KCNQ3: variants seen among roughly 807,000 people sequenced by gnomAD.
The protein encoded by KCNQ3 is potassium voltage-gated channel subfamily Q member 3, also known as potassium voltage-gated channel subfamily KQT member 3.
In KCNQ3, 30 loss-of-function variants were observed where a neutral mutation model predicts 92.5. The observed-to-expected ratio is 0.32, with a 90% CI of 0.24 to 0.44. The LOEUF is 0.44. Among genes scored for constraint, KCNQ3 ranks in the 20% least tolerant of loss-of-function variants. The pLI is 1.00. For missense variants in KCNQ3, 913 were observed against 1,140.3 expected (o/e 0.80, Z 2.87); for synonymous variants, 450 against 468.8 (o/e 0.96, Z 0.52).
At chr8:132,317,720 G>A (rs143706398) in intron 1 of KCNQ3, among the ~76,000 whole-genome samples, 4 of 152,268 alleles carry the variant, frequency 2.6e-5, no homozygotes, top group African/African-American at 9.6e-5. Context: ...ATCCTTCCCA[G>A]GTCCTCCCTC....
chr8:132,233,274 AT>A (rs1296206963), intron 1 of KCNQ3, among the ~76,000 whole-genome samples: 1 of 152,224 alleles, frequency 6.6e-6, no homozygotes, highest in African/African-American at 2.4e-5. Context: ...CCAGAAGCAT[AT>A]TCCATGACTT....
chr8:132,141,078 T>G, intron 10 of KCNQ3, 51 bp downstream of exon 10: 1 of 1,537,174 alleles, frequency 6.5e-7, no homozygotes, highest in East Asian at 2.2e-5. Context: ...GGAAGTGGAC[T>G]TGGGGGAGGA....
intron 1 of KCNQ3, among the ~76,000 whole-genome samples, chr8:132,451,652 A>C (rs1821823796): frequency 6.6e-6 from 1 of 152,246 alleles, no homozygotes; most frequent in South Asian, 2.1e-4. Flanking sequence ...GGAAGGAAGA[A>C]AGGCGTCTAT....
intron 1 of KCNQ3, among the ~76,000 whole-genome samples, chr8:132,307,991 T>C (rs769097522): frequency 2.6e-5 from 4 of 152,182 alleles, no homozygotes; most frequent in Non-Finnish European, 5.9e-5. Context: ...CCCCGGAGGA[T>C]GGCAACCCTT....
At chr8:132,219,607 C>T (rs1053204615) in intron 1 of KCNQ3, among the ~76,000 whole-genome samples, 2 of 152,100 alleles carry the variant, frequency 1.3e-5, no homozygotes, top group Non-Finnish European at 2.9e-5. Context: ...GGTCTTTGCA[C>T]CTGCAATTCT....
At chr8:132,234,082 C>T (rs1814725335) in intron 1 of KCNQ3, among the ~76,000 whole-genome samples, 1 of 152,166 alleles carries the variant, frequency 6.6e-6, no homozygotes, top group Non-Finnish European at 1.5e-5. Context: ...ATGTGGCCAT[C>T]CTGTAAATAA....
At position 132,122,233 on chromosome 8, in the gene KCNQ3, C is replaced by T. The variant is rs1824495795; in HGVS notation, c.*7029G>A. On this transcript the variant is annotated 3_prime_UTR_variant, in exon 15 of 15. Transcript: ENST00000388996. The stretch of plus-strand genomic sequence containing the variant: ...CTATAAGATGGAGACAATAACATCT[C>T]CCTCATGGGGTTGCGATGAGGATTG... 1 of 152,176 alleles carries T rather than the reference C, an allele frequency of 6.6e-6. No individual in the cohort carries two copies. Among genetic ancestry groups the T allele is most frequent in the African/African-American group, 2.4e-5 (1 of 41,442 alleles). 9.4% of individuals were successfully genotyped at this position (152,176 alleles called of 1,614,324 possible).
At chr8:132,388,022 A>G (rs1819939968) in intron 1 of KCNQ3, among the ~76,000 whole-genome samples, 1 of 144,640 alleles carries the variant, frequency 6.9e-6, no homozygotes, top group South Asian at 2.2e-4. Flanking sequence ...GAGGAAGAGG[A>G]AGAAGAAGAA....
chr8:132,444,903 G>A (rs761617736), intron 1 of KCNQ3, among the ~76,000 whole-genome samples: 3 of 152,180 alleles, frequency 2.0e-5, no homozygotes, highest in Admixed American at 6.5e-5. Flanking sequence ...AAAGCAGAGT[G>A]CTTTGTAAAT....
intron 1 of KCNQ3, among the ~76,000 whole-genome samples, chr8:132,479,910 GTTT>G (rs1427576419): frequency 2.8e-5 from 4 of 144,942 alleles, no homozygotes; most frequent in Admixed American, 1.4e-4. Context: ...ACCACGCTTC[GTTT>G]TTTAAGCCCC....
chr8:132,169,063 G>A (rs555317583), intron 8 of KCNQ3, among the ~76,000 whole-genome samples: 1 of 152,184 alleles, frequency 6.6e-6, no homozygotes, highest in Admixed American at 6.5e-5. Flanking sequence ...AAAGACCATG[G>A]GCTTTGAAAG....
chr8:132,286,969 T>A (rs1450189917), intron 1 of KCNQ3, among the ~76,000 whole-genome samples: 1 of 152,204 alleles, frequency 6.6e-6, no homozygotes, highest in Non-Finnish European at 1.5e-5. Flanking sequence ...GAAGTAGCAC[T>A]AGGCCCTTGT....
intron 8 of KCNQ3, among the ~76,000 whole-genome samples, chr8:132,169,025 C>T (rs1218074420): frequency 6.6e-6 from 1 of 152,088 alleles, no homozygotes; most frequent in African/African-American, 2.4e-5. Context: ...CAAAAAAATG[C>T]ACTCTGTTCT....
chr8:132,262,214 G>A (rs1815810839), intron 1 of KCNQ3, among the ~76,000 whole-genome samples: 1 of 152,172 alleles, frequency 6.6e-6, no homozygotes, highest in Non-Finnish European at 1.5e-5. Context: ...GTTACTTTAT[G>A]ACGCCACTAA....
chr8:132,416,256 A>C (rs1248958427), intron 1 of KCNQ3, among the ~76,000 whole-genome samples: 1 of 152,238 alleles, frequency 6.6e-6, no homozygotes, highest in Non-Finnish European at 1.5e-5. Flanking sequence ...CATCTCTCAA[A>C]ATCCCAAACT....
chr8:132,218,347 C>T (rs924736167), intron 1 of KCNQ3, among the ~76,000 whole-genome samples: 2 of 152,224 alleles, frequency 1.3e-5, no homozygotes, highest in Non-Finnish European at 2.9e-5. Context: ...ATCCCAAGCA[C>T]CCAGAATGGC....
chr8:132,375,323 T>C (rs1819578315), intron 1 of KCNQ3, among the ~76,000 whole-genome samples: 1 of 149,354 alleles, frequency 6.7e-6, no homozygotes, highest in South Asian at 2.2e-4. Flanking sequence ...AAACAGGTAA[T>C]CACTACTGAA....
chr8:132,151,672 G>C (rs919735387), intron 9 of KCNQ3, among the ~76,000 whole-genome samples: 4 of 152,154 alleles, frequency 2.6e-5, no homozygotes, highest in African/African-American at 7.2e-5. Flanking sequence ...ATTTATGGTA[G>C]TATGTAATTC....
intron 1 of KCNQ3, among the ~76,000 whole-genome samples, chr8:132,250,938 C>T (rs577998641): frequency 1.3e-5 from 2 of 152,294 alleles, no homozygotes; most frequent in South Asian, 2.1e-4. Context: ...AGATCGACCT[C>T]TTAGACCAGA....
Sources: allele counts gnomAD v4.1 joint callset (sites outside exome capture counted in the v4.1 genomes callset), GRCh38; gene constraint gnomAD v4.1.1; transcripts MANE v1.5; gene names NCBI Gene and HGNC (gene_info 2026-07-23, HGNC 2026-07-21).